Variants in SLC12A2 observed in about 807,000 individuals in gnomAD.
SLC12A2 encodes solute carrier family 12 member 2, also known as Na-K-2Cl cotransporter 1.
SLC12A2 carries 67 observed loss-of-function variants against 136.3 expected under a neutral mutation model. That is an observed-to-expected ratio of 0.49 (90% confidence interval 0.40 to 0.60). The LOEUF (loss-of-function observed/expected upper bound fraction) is 0.60, where lower values mean the gene tolerates loss of function less well. SLC12A2 is among the 20% of genes least tolerant of loss of function. SLC12A2 has a pLI of 0.00. For synonymous variants in SLC12A2, 619 were observed against 562.9 expected (o/e 1.10, Z -1.41); for missense variants, 1,322 against 1,534.7 (o/e 0.86, Z 2.32).
chr5:128,130,988 A>G, intron 4 of SLC12A2, 79 bp from the exon 5 acceptor site: 1 of 1,362,562 alleles, frequency 7.3e-7, no homozygotes, highest in Admixed American at 1.8e-5. Flanking sequence ...TTGTGAATTC[A>G]TGTATAATTA....
In SLC12A2 at chr5:128,177,119, G is replaced by A; in HGVS notation, c.2944G>A (p.Gly982Ser). 1 of 1,586,166 alleles carries A rather than the reference G, an allele frequency of 6.3e-7. No individual in the cohort carries two copies. The highest frequency in any genetic ancestry group is 8.5e-7 in the Non-Finnish European group (1 of 1,169,954). ...ACATAATCTAGTTGAGGAAGAGGAT[G>A]GCAAGACTGCAACTCAACCACTGTT... is the stretch of plus-strand genomic sequence containing the variant. Reference protein sequence around the residue: ...PITHKVEEEDGKTATQPLLKK... With the variant: ...PITHKVEEEDSKTATQPLLKK... The change falls in exon 21 of 27, where the codon GGC (glycine) becomes AGC (serine). Residue 982 changes from glycine (G) to serine (S), a missense_variant. Around this residue, in one of 8 missense-constraint regions of SLC12A2, gnomAD observed 226 missense variants for 210.4 expected, o/e 1.07. Transcript: ENST00000262461.
At position 128,171,737 on chromosome 5, in the gene SLC12A2, C is replaced by T; in HGVS notation, c.2794C>T (p.Gln932Ter). 1.3e-6 allele frequency: 2 copies of T among 1,565,648 alleles called. No homozygotes were observed. The highest frequency in any genetic ancestry group is 1.4e-5 in the African/African-American group (1 of 71,966). The change falls in exon 19 of 27, where the codon CAA (glutamine) becomes TAA (stop). Residue 932 changes from glutamine to a stop codon, truncating the protein, a stop_gained. Transcript: ENST00000262461. LOFTEE classifies it high-confidence loss of function. ...AGAAGGTCTGGATATATCTCATCTT[C>T]AAGGACAAGGTAAATTTTGTTGGCA... ...LKEGLDISHL[Q>*]GQEELLSSQE... is the part of the protein sequence containing the mutation.
intron 15 of SLC12A2, among the ~76,000 whole-genome samples, chr5:128,155,463 T>C (rs912762398): frequency 5.9e-5 from 9 of 152,190 alleles, no homozygotes; most frequent in Admixed American, 5.9e-4. Context: ...TTTAAGACTT[T>C]TAAACATGCT....
intron 4 of SLC12A2, among the ~76,000 whole-genome samples, chr5:128,117,033 A>G (rs1162608133): frequency 6.6e-6 from 1 of 152,240 alleles, no homozygotes; most frequent in Non-Finnish European, 1.5e-5. Context: ...CTGAAAGTAC[A>G]TATTTTTTAG....
intron 7 of SLC12A2, 51 bp from the exon 8 acceptor site, chr5:128,138,546 A>T: frequency 6.5e-7 from 1 of 1,533,246 alleles, no homozygotes. Flanking sequence ...CTCAGTTATT[A>T]TAGTCTAATT....
intron 1 of SLC12A2, among the ~76,000 whole-genome samples, chr5:128,107,539 A>C (rs1232835706): frequency 1.3e-5 from 2 of 152,078 alleles, no homozygotes; most frequent in East Asian, 3.9e-4. Context: ...GAGAACATGC[A>C]GTGTTTGGTT....
At chr5:128,104,670 GATATAT>G (rs1460705332) in intron 1 of SLC12A2, among the ~76,000 whole-genome samples, 1 of 128,612 alleles carries the variant, frequency 7.8e-6, no homozygotes, top group Non-Finnish European at 1.6e-5. Context: ...TAGATATATA[GATATAT>G]AGATATAGAT....
intron 4 of SLC12A2, among the ~76,000 whole-genome samples, chr5:128,126,051 GC>G (rs1189940017): frequency 6.6e-6 from 1 of 152,054 alleles, no homozygotes; most frequent in African/African-American, 2.4e-5. Context: ...TGTATTGATT[GC>G]TTAGCTTCAC....
At chr5:128,167,311 C>A (rs1581130175) in intron 17 of SLC12A2, among the ~76,000 whole-genome samples, 2 of 152,082 alleles carry the variant, frequency 1.3e-5, no homozygotes, top group Admixed American at 6.6e-5. Flanking sequence ...TCAGCAAAAA[C>A]TTTTGCATGA....
At chr5:128,139,269 TTTA>T (rs901781673) in intron 9 of SLC12A2, among the ~76,000 whole-genome samples, 4 of 150,508 alleles carry the variant, frequency 2.7e-5, no homozygotes, top group African/African-American at 1.0e-4. Flanking sequence ...AAGATGGTTA[TTTA>T]TTTTTTTTTT....
chr5:128,141,027 A>T (rs994691243), intron 9 of SLC12A2, among the ~76,000 whole-genome samples: 1 of 152,248 alleles, frequency 6.6e-6, no homozygotes, highest in Non-Finnish European at 1.5e-5. Flanking sequence ...TTCAGAAAGT[A>T]AAAATCTTTA....
chr5:128,124,429 CTA>C (rs1348843891), intron 4 of SLC12A2, among the ~76,000 whole-genome samples: 1 of 152,188 alleles, frequency 6.6e-6, no homozygotes, highest in Admixed American at 6.5e-5. Context: ...GACCAACTGG[CTA>C]TATATTGGGG....
At chr5:128,130,514 CA>C (rs565322518) in intron 4 of SLC12A2, among the ~76,000 whole-genome samples, 18,420 of 81,142 alleles carry the variant, frequency 0.23, 1,857 homozygotes, top group African/African-American at 0.44. Context: ...GACTCTGTCT[CA>C]AAAAAAAAAA....
At chr5:128,110,309 G>C in intron 1 of SLC12A2, 1 of 849,910 alleles carries the variant, frequency 1.2e-6, no homozygotes, top group Admixed American at 1.7e-5. Flanking sequence ...CGACTTGACT[G>C]ACTGTTTTAG....
Position 128,186,514 on chromosome 5 carries a change from A to C in SLC12A2, c.3522A>C (p.Arg1174=). 6.2e-7 allele frequency: 1 copy of C among 1,610,952 alleles called. No individual in the cohort carries two copies. Among genetic ancestry groups the C allele is most frequent in the Non-Finnish European group, 8.5e-7 (1 of 1,179,148 alleles). Residue 1174 remains arginine (R), a synonymous_variant, in exon 27 of 27, where the codon CGA becomes CGC. Coordinates refer to ENST00000262461, the MANE Select transcript of SLC12A2 (RefSeq NM_001046.3). ...NIIVMSLPVA[R]KGAVSSALYM... ...ATACCAGGAGTCTCCCAGTTGCACG[A>C]AAAGGTGCTGTGTCTAGTGCTCTCT...
At chr5:128,085,606 T>C (rs921275324) in intron 1 of SLC12A2, among the ~76,000 whole-genome samples, 3 of 152,248 alleles carry the variant, frequency 2.0e-5, no homozygotes, top group Admixed American at 2.0e-4. Context: ...TTTAACTTTT[T>C]TATGAGCCGG....
intron 1 of SLC12A2, among the ~76,000 whole-genome samples, chr5:128,098,255 T>C (rs1760615170): frequency 2.0e-5 from 3 of 152,138 alleles, no homozygotes; most frequent in Admixed American, 2.0e-4. Flanking sequence ...GAATTTTTCA[T>C]TTCAAAATTT....
intron 1 of SLC12A2, among the ~76,000 whole-genome samples, chr5:128,096,590 T>A (rs904668691): frequency 3.3e-5 from 5 of 152,108 alleles, no homozygotes; most frequent in African/African-American, 1.2e-4. Flanking sequence ...ATGAGAATTG[T>A]GTACTGAGAG....
chr5:128,180,791 G>T, intron 22 of SLC12A2, 92 bp from the exon 23 acceptor site: 1 of 758,442 alleles, frequency 1.3e-6, no homozygotes, highest in Non-Finnish European at 2.3e-6. Context: ...TTCATATGGA[G>T]TTGTAGTAAA....
Sources: allele counts gnomAD v4.1 joint callset (sites outside exome capture counted in the v4.1 genomes callset), GRCh38; gene constraint gnomAD v4.1.1; regional missense constraint gnomAD v4.1.1; transcripts MANE v1.5; gene names NCBI Gene and HGNC (gene_info 2026-07-23, HGNC 2026-07-21).